AHR: variants seen among roughly 807,000 people sequenced by gnomAD.
AHR encodes aryl hydrocarbon receptor.
AHR carries 40 observed loss-of-function variants against 86.8 expected under a neutral mutation model. The ratio of observed to expected loss-of-function variants is 0.46; its 90% CI spans 0.36 to 0.60. The LOEUF (loss-of-function observed/expected upper bound fraction) is 0.60, where lower values mean the gene tolerates loss of function less well. AHR is among the 20% of genes least tolerant of loss of function. The pLI is 0.00. For synonymous variants in AHR, 398 were observed against 354.9 expected, an observed-to-expected ratio of 1.12 and a Z score of -1.37; for missense variants, 1,001 against 1,011.6, an observed-to-expected ratio of 0.99 and a Z score of 0.14.
chr7:17,302,736 A>C (rs1781966714), intron 1 of AHR, among the ~76,000 whole-genome samples: 1 of 151,806 alleles, frequency 6.6e-6, no homozygotes, highest in South Asian at 2.1e-4. Context: ...GATCTGGGCA[A>C]GTTTCTTGAC....
chr7:17,324,816 T>A (rs568931248), intron 3 of AHR, among the ~76,000 whole-genome samples: 2,613 of 151,344 alleles, frequency 0.017, 35 homozygotes, highest in Non-Finnish European at 0.028. Context: ...AAAAAAAAAA[T>A]TTATTAAAAG....
chr7:17,327,416 A>C (rs1249903235), intron 3 of AHR, among the ~76,000 whole-genome samples: 1 of 151,974 alleles, frequency 6.6e-6, no homozygotes, highest in East Asian at 1.9e-4. Context: ...TCCCTCTAAA[A>C]AAAAGCAGTG....
chr7:17,331,198 T>G (rs1782284972), intron 6 of AHR, among the ~76,000 whole-genome samples: 4 of 151,944 alleles, frequency 2.6e-5, no homozygotes, highest in Admixed American at 2.6e-4. Context: ...TTAATTCTAC[T>G]GTTAGGCTTT....
intron 8 of AHR, among the ~76,000 whole-genome samples, chr7:17,335,339 G>A (rs1046907353): frequency 2.6e-5 from 4 of 151,830 alleles, no homozygotes; most frequent in African/African-American, 7.3e-5. Context: ...AAAGTATTAG[G>A]CTGTAGGAAA....
intron 2 of AHR, among the ~76,000 whole-genome samples, chr7:17,313,675 T>C (rs1782088884): frequency 6.6e-6 from 1 of 152,154 alleles, no homozygotes; most frequent in Non-Finnish European, 1.5e-5. Context: ...TTAAAATACT[T>C]GAACAAGGCT....
intron 2 of AHR, among the ~76,000 whole-genome samples, chr7:17,310,961 C>G (rs1272994730): frequency 6.6e-6 from 1 of 152,206 alleles, no homozygotes; most frequent in Non-Finnish European, 1.5e-5. Flanking sequence ...TATTGTGTCA[C>G]TGAAAACTGT....
At position 17,334,132 on chromosome 7, in the gene AHR, A is replaced by T. The variant is rs1782330136; in HGVS notation, c.908+18A>T. On this transcript the variant is annotated intron_variant, in intron 7 of 10. Transcript: ENST00000242057. Reference sequence around the variant, plus strand: ...GATGCCAAGTAAGTGAGACTTTTTCACTTTTATTTTATTGGATGTACATTA... The same window carrying T: ...GATGCCAAGTAAGTGAGACTTTTTCTCTTTTATTTTATTGGATGTACATTA... 4 of 1,593,564 alleles carry T rather than the reference A, an allele frequency of 2.5e-6. No homozygotes were observed. The highest frequency in any genetic ancestry group is 2.6e-6 in the Non-Finnish European group (3 of 1,162,352).
intron 1 of AHR, among the ~76,000 whole-genome samples, chr7:17,303,151 A>C (rs1781971317): frequency 6.6e-6 from 1 of 152,090 alleles, no homozygotes; most frequent in African/African-American, 2.4e-5. Flanking sequence ...ATGACTGTTT[A>C]TTAGCACTTA....
Position 17,298,816 on chromosome 7 carries a change from G to C in AHR, c.-449G>C, listed in dbSNP as rs970039835. On this transcript the variant is annotated 5_prime_UTR_variant, in exon 1 of 11. Transcript: ENST00000242057. Reference sequence around the variant, plus strand: ...AAGCACCCTGGATTTAGGAAGTCCCGGGAGCAGCGCGGCGGCACCTCCCTC... The same window carrying C: ...AAGCACCCTGGATTTAGGAAGTCCCCGGAGCAGCGCGGCGGCACCTCCCTC... 5.0e-6 allele frequency: 2 copies of C among 398,222 alleles called. No homozygotes were observed. Among genetic ancestry groups the C allele is most frequent in the African/African-American group, 4.1e-5 (2 of 48,552 alleles). 24.7% of individuals were successfully genotyped at this position (398,222 alleles called of 1,614,324 possible).
In AHR at chr7:17,334,981, G is replaced by A. The variant is rs181963856; in HGVS notation, c.1003G>A (p.Glu335Lys). The A allele has an allele frequency of 3.7e-6, 6 of 1,612,756 alleles. No homozygotes were observed. Among genetic ancestry groups the A allele is most frequent in the East Asian group, 2.2e-5 (1 of 44,822 alleles). Residue 335 changes from glutamate to lysine, a missense_variant, in exon 8 of 11, where the codon GAG (glutamate) becomes AAG (lysine). Physicochemically the swap from Glu to Lys is moderately conservative, Grantham distance 56. Around this residue, in one of 2 missense-constraint regions of AHR, gnomAD observed 394 missense variants for 468.5 expected, o/e 0.84. Transcript: ENST00000242057. ...IHAADMLYCAESHIRMIKTGE... is the reference protein window; with the variant it reads ...IHAADMLYCAKSHIRMIKTGE... Reference sequence around the variant, plus strand: ...TGCAGCTGATATGCTTTATTGTGCCGAGTCCCATATCCGAAGTAAGTTGTA... The same window carrying A: ...TGCAGCTGATATGCTTTATTGTGCCAAGTCCCATATCCGAAGTAAGTTGTA...
At chr7:17,306,127 G>A (rs752122244) in intron 1 of AHR, among the ~76,000 whole-genome samples, 9 of 151,866 alleles carry the variant, frequency 5.9e-5, no homozygotes, top group Non-Finnish European at 1.3e-4. Flanking sequence ...CAATCTTACA[G>A]GGATGTTTAT....
At chr7:17,335,953 G>C (rs2115367592) in intron 9 of AHR, 167 bp downstream of exon 9, 1 of 641,762 alleles carries the variant, frequency 1.6e-6, no homozygotes, top group South Asian at 2.3e-5. Context: ...AGATAGAATT[G>C]ACGAACTTGA....
chr7:17,309,023 C>G (rs1263382245), intron 1 of AHR, among the ~76,000 whole-genome samples: 1 of 152,198 alleles, frequency 6.6e-6, no homozygotes, highest in African/African-American at 2.4e-5. Flanking sequence ...TTTCCCAGTT[C>G]AGCGTGGGTA....
At chr7:17,310,599 A>T (rs938894355) in intron 2 of AHR, among the ~76,000 whole-genome samples, 1 of 150,314 alleles carries the variant, frequency 6.7e-6, no homozygotes, top group Non-Finnish European at 1.5e-5. Context: ...CAATGACACG[A>T]TCTTGGCTCA....
Position 17,339,768 on chromosome 7 carries a change from A to C in AHR, c.1943A>C (p.Asn648Thr). ...CAGAAGATGAAGCACATGCAAGTTA[A>C]TGGCATGTTTGAAAATTGGAACTCT... ...LCQKMKHMQV[N>T]GMFENWNSNQ... is the part of the protein sequence containing the mutation. The change falls in exon 10 of 11, where the codon AAT becomes ACT. Residue 648 changes from asparagine (N) to threonine (T), a missense_variant. Around this residue, in one of 2 missense-constraint regions of AHR, gnomAD observed 607 missense variants for 543.1 expected, o/e 1.12. Coordinates refer to ENST00000242057, the MANE Select transcript of AHR (RefSeq NM_001621.5). 2 of 1,614,184 alleles carry C rather than the reference A, an allele frequency of 1.2e-6. No homozygotes were observed. Among genetic ancestry groups the C allele is most frequent in the South Asian group, 2.2e-5 (2 of 91,080 alleles).
rs1293129133 is a variant in AHR, at chr7:17,329,955, G to A, written c.454G>A (p.Asp152Asn). ...TCCTTGTATCTTTTTTCTTTAGTCT[G>A]ATGTCATACATCAGAGTGTATATGA... ...IQDYLGFQQSDVIHQSVYELI... is the reference protein window; with the variant it reads ...IQDYLGFQQSNVIHQSVYELI... Residue 152 changes from aspartate (D) to asparagine (N), a missense_variant, in exon 5 of 11, where the codon GAT (aspartate) becomes AAT (asparagine). Asp to Asn is a conservative substitution (Grantham distance 23). Transcript: ENST00000242057. 4.4e-6 allele frequency: 7 copies of A among 1,604,242 alleles called. No homozygotes were observed. The highest frequency in any genetic ancestry group is 6.0e-6 in the Non-Finnish European group (7 of 1,175,828).
In AHR at chr7:17,342,951, C is replaced by A; in HGVS notation, c.2434C>A (p.Pro812Thr). 6.2e-7 allele frequency: 1 copy of A among 1,612,666 alleles called. No homozygotes were observed. Among genetic ancestry groups the A allele is most frequent in the Non-Finnish European group, 8.5e-7 (1 of 1,179,294 alleles). Residue 812 changes from proline to threonine, a missense_variant, in exon 11 of 11, where the codon CCA becomes ACA. Coordinates refer to ENST00000242057, the MANE Select transcript of AHR (RefSeq NM_001621.5). ...GAATGGAGTTTTAAATGAAACATAT[C>A]CAGCTGAATTAAATAACATAAATAA... ...FQNGVLNETY[P>T]AELNNINNTQ...
At position 17,343,741 on chromosome 7, in the gene AHR, A is replaced by G. The variant is rs1027263960; in HGVS notation, c.*677A>G. 6.6e-6 allele frequency: 1 copy of G among 152,638 alleles called. No homozygotes were observed. Among genetic ancestry groups the G allele is most frequent in the African/African-American group, 2.4e-5 (1 of 41,432 alleles). 9.5% of individuals were successfully genotyped at this position (152,638 alleles called of 1,614,324 possible). On this transcript the variant is annotated 3_prime_UTR_variant, in exon 11 of 11. Coordinates refer to ENST00000242057, the MANE Select transcript of AHR (RefSeq NM_001621.5). ...TTTCCTAAATCCAACCATTTTCATT[A>G]ATTCAGGCATATTTTAACTCCACTG...
chr7:17,327,953 TGTAGAATACA>T (rs1782246528), intron 4 of AHR, 105 bp downstream of exon 4: 1 of 342,060 alleles, frequency 2.9e-6, no homozygotes, highest in African/African-American at 2.2e-5. Flanking sequence ...CAATATATGC[TGTAGAATACA>T]GTATGTATTT....
Sources: gnomAD v4.1 joint callset for allele counts (sites outside exome capture counted in the v4.1 genomes callset) on GRCh38, gnomAD v4.1.1 for gene constraint, gnomAD v4.1.1 regional missense constraint, MANE v1.5 for transcripts, NCBI Gene and HGNC (gene_info 2026-07-23, HGNC 2026-07-21) for gene names.